Variants in HEATR5A observed in about 807,000 individuals in gnomAD.
HEATR5A encodes the protein HEAT repeat-containing protein 5A.
A neutral mutation model predicts 218.8 loss-of-function variants in HEATR5A; 178 were observed. The ratio of observed to expected loss-of-function variants is 0.81; its 90% CI spans 0.72 to 0.92. The LOEUF is 0.92. Among genes scored for constraint, HEATR5A ranks in the 40% least tolerant of loss-of-function variants. The pLI, the probability that HEATR5A is intolerant of heterozygous loss-of-function variation, is 0.00. For synonymous variants in HEATR5A, 864 were observed against 871.6 expected (o/e 0.99, Z 0.15); for missense variants, 2,420 against 2,418.9 (o/e 1.00, Z -0.01).
intron 1 of HEATR5A, among the ~76,000 whole-genome samples, chr14:31,407,594 A>ATT: frequency 7.2e-3 from 3 of 414 alleles, no homozygotes; most frequent in African/African-American, 0.014. Flanking sequence ...TTATATATAT[A>ATT]TATATATATA....
At position 31,293,157 on chromosome 14, in the gene HEATR5A, T is replaced by A; in HGVS notation, c.*148A>T. 1.8e-6 allele frequency: 1 copy of A among 563,320 alleles called. No individual in the cohort carries two copies. Among genetic ancestry groups the A allele is most frequent in the South Asian group, 3.1e-5 (1 of 32,310 alleles). 34.9% of individuals were successfully genotyped at this position (563,320 alleles called of 1,614,324 possible). A position where few individuals can be genotyped will look rare whatever the true frequency, so the allele number is the denominator to read the frequency against. ...CGCACACACACAAAAATGTTAAGTA[T>A]GCTGTTACTTTGAAGAGTCACAGCT... On this transcript the variant is annotated 3_prime_UTR_variant, in exon 36 of 36. Coordinates refer to ENST00000543095, the MANE Select transcript of HEATR5A (RefSeq NM_015473.4).
chr14:31,332,216 T>A (rs1370581925), intron 22 of HEATR5A, among the ~76,000 whole-genome samples: 1 of 152,194 alleles, frequency 6.6e-6, no homozygotes, highest in African/African-American at 2.4e-5. Flanking sequence ...GATCTTTGAT[T>A]GGTGATCTTT....
intron 13 of HEATR5A, among the ~76,000 whole-genome samples, chr14:31,367,121 G>T (rs1264169050): frequency 6.6e-6 from 1 of 152,128 alleles, no homozygotes; most frequent in African/African-American, 2.4e-5. Context: ...ATTCAGTAAG[G>T]TGGTCAGATA....
chr14:31,390,363 G>C (rs2030405477), intron 6 of HEATR5A, among the ~76,000 whole-genome samples: 1 of 151,476 alleles, frequency 6.6e-6, no homozygotes, highest in Non-Finnish European at 1.5e-5. Flanking sequence ...TATAGAGGGG[G>C]GTAAAGATAG....
intron 21 of HEATR5A, among the ~76,000 whole-genome samples, chr14:31,338,635 A>T (rs1242643018): frequency 2.6e-5 from 4 of 152,206 alleles, no homozygotes; most frequent in African/African-American, 4.8e-5. Flanking sequence ...TATGTTCTAC[A>T]AAATAAATAT....
chr14:31,353,878 C>T (rs1901322201), intron 16 of HEATR5A, among the ~76,000 whole-genome samples: 1 of 152,000 alleles, frequency 6.6e-6, no homozygotes, highest in Non-Finnish European at 1.5e-5. Context: ...CAACTCACTG[C>T]AAGCTCTGCC....
chr14:31,379,616 A>C (rs1204279876), intron 11 of HEATR5A, among the ~76,000 whole-genome samples: 5 of 152,206 alleles, frequency 3.3e-5, no homozygotes, highest in African/African-American at 1.2e-4. Flanking sequence ...TAGGTGTGAT[A>C]GAGTAATAAA....
intron 33 of HEATR5A, among the ~76,000 whole-genome samples, chr14:31,298,779 C>G (rs1370054712): frequency 6.6e-6 from 1 of 151,982 alleles, no homozygotes; most frequent in Non-Finnish European, 1.5e-5. Context: ...CTTTTTTTCC[C>G]CCGTTAAGTA....
chr14:31,342,523 G>C (rs1900872801), intron 21 of HEATR5A, among the ~76,000 whole-genome samples: 1 of 152,188 alleles, frequency 6.6e-6, no homozygotes, highest in South Asian at 2.1e-4. Flanking sequence ...TGAGACATTT[G>C]CCTTTACAAG....
At chr14:31,301,097 T>A (rs1899355532) in intron 33 of HEATR5A, among the ~76,000 whole-genome samples, 1 of 152,198 alleles carries the variant, frequency 6.6e-6, no homozygotes, top group Admixed American at 6.5e-5. Flanking sequence ...GAAAACATTT[T>A]ATATGTAAAA....
At chr14:31,388,741 A>G (rs952420381) in intron 7 of HEATR5A, 104 bp downstream of exon 7, 12 of 836,410 alleles carry the variant, frequency 1.4e-5, no homozygotes, top group South Asian at 1.1e-4. Context: ...ATATGAGAGC[A>G]TAAGTGTTGA....
At chr14:31,395,109 A>G in intron 5 of HEATR5A, 90 bp downstream of exon 5, 1 of 816,016 alleles carries the variant, frequency 1.2e-6, no homozygotes, top group East Asian at 2.7e-5. Flanking sequence ...GACTACCAAG[A>G]TCATGTAGCT....
At chr14:31,308,885 A>AC (rs1408045983) in intron 29 of HEATR5A, 49 bp downstream of exon 29, 2 of 1,515,736 alleles carry the variant, frequency 1.3e-6, no homozygotes, top group African/African-American at 1.4e-5. Context: ...AAAAAAAAAA[A>AC]AACAAAAAAC....
At chr14:31,398,585 A>G (rs1012229824) in intron 4 of HEATR5A, 88 bp downstream of exon 4, 6 of 660,388 alleles carry the variant, frequency 9.1e-6, no homozygotes, top group African/African-American at 9.1e-5. Flanking sequence ...TATGCTTGAC[A>G]TATGTAAAGC....
At chr14:31,315,675 T>A (rs1252328186) in intron 27 of HEATR5A, 95 bp downstream of exon 27, 2 of 843,556 alleles carry the variant, frequency 2.4e-6, no homozygotes, top group African/African-American at 1.7e-5. Flanking sequence ...AATGAACTTA[T>A]TTGTAGTTCA....
intron 21 of HEATR5A, 102 bp from the exon 22 acceptor site, chr14:31,337,716 A>AC: frequency 1.1e-6 from 1 of 929,476 alleles, no homozygotes; most frequent in Non-Finnish European, 1.6e-6. Flanking sequence ...TGTCCAGCCC[A>AC]TCAGTGGGCT....
In HEATR5A at chr14:31,364,253, CG is replaced by C; in HGVS notation, c.2006del (p.Pro669ArgfsTer13). The C allele has an allele frequency of 6.4e-7, 1 of 1,553,242 alleles. No individual in the cohort carries two copies. Among genetic ancestry groups the C allele is most frequent in the Non-Finnish European group, 8.7e-7 (1 of 1,145,586 alleles). Reference protein sequence around the residue: ...LKMYGSPLKTPSVVYRQRLYE... With the variant: ...LKMYGSPLKTXSVVYRQRLYE... ...AAAGTCTTTGTCTATAAACCACTGA[CG>C]GTGTTTTCAAAGGACTTCCATACAT... is the stretch of plus-strand genomic sequence containing the variant. On this transcript the variant is annotated frameshift_variant, in exon 14 of 36. Coordinates refer to ENST00000543095, the MANE Select transcript of HEATR5A (RefSeq NM_015473.4). LOFTEE classifies it high-confidence loss of function.
rs200404348 is a variant in HEATR5A at position 31,410,974 on chromosome 14, T to C, written c.-74-7925A>G. 1.2e-4 allele frequency among the ~76,000 whole-genome samples: 18 copies of C among 152,274 alleles called. No homozygotes were observed. In the East Asian group the frequency reaches 3.3e-3, roughly 28 times the overall value. ...TTAAAAATTTGAAATGTTAACAATA[T>C]AATAATGATTTAAGCTCAATAGGAA... On this transcript the variant is annotated intron_variant, in intron 1 of 35. Coordinates refer to ENST00000543095, the MANE Select transcript of HEATR5A (RefSeq NM_015473.4).
intron 31 of HEATR5A, 115 bp downstream of exon 31, chr14:31,306,617 A>G: frequency 9.3e-7 from 1 of 1,077,464 alleles, no homozygotes; most frequent in South Asian, 2.1e-5. Context: ...ATGCCTAGAC[A>G]TGTTTTATTT....
Sources: gnomAD v4.1 joint callset for allele counts (sites outside exome capture counted in the v4.1 genomes callset) on GRCh38, gnomAD v4.1.1 for gene constraint, MANE v1.5 for transcripts, NCBI Gene and HGNC (gene_info 2026-07-23, HGNC 2026-07-21) for gene names.